The following PLEKHA6 variants were observed in gnomAD, a reference collection of about 807,000 sequenced individuals.
The protein encoded by PLEKHA6 is pleckstrin homology domain-containing family A member 6.
PLEKHA6 carries 60 observed loss-of-function variants against 116.7 expected under a neutral mutation model. That is an observed-to-expected ratio of 0.51 (90% CI 0.42 to 0.64). The LOEUF (loss-of-function observed/expected upper bound fraction) is 0.64. Among genes scored for constraint, PLEKHA6 ranks in the 30% least tolerant of loss-of-function variants. The pLI is 0.00. For missense variants in PLEKHA6, 1,338 were observed against 1,422.7 expected (o/e 0.94, Z 0.96); for synonymous variants, 489 against 556.1 (o/e 0.88, Z 1.70).
intron 4 of PLEKHA6, 58 bp from the exon 5 acceptor site, chr1:204,267,605 T>C: frequency 2.1e-6 from 3 of 1,454,990 alleles, no homozygotes; most frequent in Non-Finnish European, 2.9e-6. Flanking sequence ...GACGAGGAGA[T>C]GGGATGCAGG....
chr1:204,271,044 C>T (rs550092652), intron 3 of PLEKHA6, among the ~76,000 whole-genome samples: 5 of 152,372 alleles, frequency 3.3e-5, no homozygotes, highest in African/African-American at 1.2e-4. Flanking sequence ...CTGGACAGTC[C>T]AAGCCATGGC....
intron 1 of PLEKHA6, among the ~76,000 whole-genome samples, chr1:204,354,855 G>A (rs955164574): frequency 1.3e-5 from 2 of 152,260 alleles, no homozygotes; most frequent in African/African-American, 4.8e-5. Context: ...ATCAAGACAG[G>A]ATGTGCACAC....
chr1:204,368,710 G>C (rs1440270680), intron 2 of PLEKHA6: 2 of 152,470 alleles, frequency 1.3e-5, no homozygotes, highest in African/African-American at 4.8e-5. Flanking sequence ...GGAGCCTTTT[G>C]AGAGACCCAA....
chr1:204,307,909 C>T (rs1671454539), intron 1 of PLEKHA6: 19 of 984,928 alleles, frequency 1.9e-5, no homozygotes, highest in Non-Finnish European at 2.3e-5. Context: ...GGGCAACAGG[C>T]AAGTCTGCAG....
At chr1:204,353,066 AC>A (rs1307117414) in intron 1 of PLEKHA6, among the ~76,000 whole-genome samples, 1 of 152,196 alleles carries the variant, frequency 6.6e-6, no homozygotes, top group Non-Finnish European at 1.5e-5. Context: ...GTAAGTATGT[AC>A]CCAAAGCAAA....
In PLEKHA6 at chr1:204,261,645, G is replaced by C; in HGVS notation, c.382-197C>G. 5.0e-6 allele frequency: 3 copies of C among 596,424 alleles called. No individual in the cohort carries two copies. Among genetic ancestry groups the C allele is most frequent in the South Asian group, 4.6e-5 (2 of 43,922 alleles). The allele number at this position is 596,424 out of a possible 1,614,324, so 36.9% of individuals were successfully genotyped here. On this transcript the variant is annotated intron_variant, in intron 6 of 22. Transcript: ENST00000272203. This position sits in a 1 kb window ranked among gnomAD's most constrained non-coding sequence, Gnocchi z 4.0. ...GCAGCTACCCCGAGGGTTCCAGCTG[G>C]TACCCACGTATCCACCTTGGCTGGC...
chr1:204,266,681 T>G (rs978810804), intron 5 of PLEKHA6, among the ~76,000 whole-genome samples: 4 of 152,204 alleles, frequency 2.6e-5, no homozygotes, highest in Admixed American at 6.5e-5. Context: ...TTTGCCAAAG[T>G]TAATGATTCA....
At chr1:204,226,950 A>G (rs1487773457) in intron 21 of PLEKHA6, among the ~76,000 whole-genome samples, 1 of 152,210 alleles carries the variant, frequency 6.6e-6, no homozygotes, top group Non-Finnish European at 1.5e-5. Flanking sequence ...CACTTACTGA[A>G]TGCCAGGCAC....
chr1:204,366,447 A>AT (rs1673648741), intron 3 of PLEKHA6, among the ~76,000 whole-genome samples: 2 of 152,076 alleles, frequency 1.3e-5, no homozygotes, highest in South Asian at 4.1e-4. Flanking sequence ...GAAAAGAAAA[A>AT]TTTGCTTTCG....
chr1:204,345,315 T>A (rs776456735), intron 1 of PLEKHA6, among the ~76,000 whole-genome samples: 6 of 151,976 alleles, frequency 3.9e-5, no homozygotes, highest in Non-Finnish European at 5.9e-5. Flanking sequence ...CTCTACCCCC[T>A]CCCTGCAGAC....
intron 1 of PLEKHA6, among the ~76,000 whole-genome samples, chr1:204,306,929 G>A (rs953555666): frequency 9.9e-5 from 15 of 152,186 alleles, no homozygotes; most frequent in African/African-American, 1.4e-4. Flanking sequence ...TTGTACTTAT[G>A]TCTCTAAATT....
At chr1:204,326,006 C>A in intron 1 of PLEKHA6, 2 of 563,036 alleles carry the variant, frequency 3.6e-6, no homozygotes, top group Non-Finnish European at 4.5e-6. Flanking sequence ...TCACCCTGCC[C>A]AGCCGTCTCC....
intron 1 of PLEKHA6, among the ~76,000 whole-genome samples, chr1:204,305,739 G>T (rs1671236472): frequency 6.6e-6 from 1 of 152,168 alleles, no homozygotes; most frequent in Non-Finnish European, 1.5e-5. Flanking sequence ...TTGGAAGTAG[G>T]TGGTGACATA....
intron 1 of PLEKHA6, chr1:204,309,619 A>G (rs1671585355): frequency 1.2e-5 from 5 of 423,456 alleles, no homozygotes; most frequent in Non-Finnish European, 1.6e-5. Context: ...CATGACAACA[A>G]ACTTGCCTAA....
intron 17 of PLEKHA6, among the ~76,000 whole-genome samples, chr1:204,234,856 G>C (rs977718375): frequency 6.6e-6 from 1 of 150,976 alleles, no homozygotes; most frequent in Non-Finnish European, 1.5e-5. Flanking sequence ...AAGTTCTTCA[G>C]TTTTGGGACT....
intron 1 of PLEKHA6, among the ~76,000 whole-genome samples, chr1:204,296,059 A>C (rs1193058500): frequency 1.3e-5 from 2 of 152,200 alleles, no homozygotes; most frequent in Non-Finnish European, 2.9e-5. Flanking sequence ...CATATGTGTC[A>C]GTGTCGTGGA....
chr1:204,375,653 G>A (rs768705607), intron 1 of PLEKHA6, among the ~76,000 whole-genome samples: 5 of 152,026 alleles, frequency 3.3e-5, no homozygotes, highest in Non-Finnish European at 7.4e-5. Context: ...CCAGAGACAA[G>A]GCTCTAAACA....
At chr1:204,245,786 C>G in intron 13 of PLEKHA6, 60 bp from the exon 14 acceptor site, 1 of 1,258,902 alleles carries the variant, frequency 7.9e-7, no homozygotes, top group South Asian at 1.2e-5. Flanking sequence ...AGCCCTTTCT[C>G]TCAGCCCAGA....
intron 1 of PLEKHA6, among the ~76,000 whole-genome samples, chr1:204,319,075 C>G (rs1373921538): frequency 6.6e-6 from 1 of 152,208 alleles, no homozygotes; most frequent in Non-Finnish European, 1.5e-5. Flanking sequence ...ACAAGGTACT[C>G]GGTTCATCTC....
Sources: gnomAD v4.1 joint callset for allele counts (sites outside exome capture counted in the v4.1 genomes callset) on GRCh38, gnomAD v4.1.1 for gene constraint, Gnocchi (gnomAD v3.1) non-coding constraint, MANE v1.5 for transcripts, NCBI Gene and HGNC (gene_info 2026-07-23, HGNC 2026-07-21) for gene names.